Variants in UVRAG observed in about 807,000 individuals in gnomAD.
The protein encoded by UVRAG is UV radiation resistance-associated gene protein.
In UVRAG, 19 loss-of-function variants were observed where a neutral mutation model predicts 78.0. That is an observed-to-expected ratio of 0.24 (90% CI 0.17 to 0.36). The LOEUF is 0.36. Ranked by LOEUF, UVRAG falls within the 10% of genes least tolerant of loss-of-function variation. UVRAG has a pLI of 1.00. For missense variants in UVRAG, 740 were observed against 853.8 expected (o/e 0.87, Z 1.66); for synonymous variants, 323 against 324.6 (o/e 1.00, Z 0.05).
chr11:75,933,442 G>A (rs1434856548), intron 6 of UVRAG, among the ~76,000 whole-genome samples: 1 of 152,180 alleles, frequency 6.6e-6, no homozygotes, highest in Non-Finnish European at 1.5e-5. Flanking sequence ...GAACATTGGA[G>A]TGGGCAACAG....
chr11:75,878,921 GAGGGA>G, intron 3 of UVRAG, among the ~76,000 whole-genome samples: 3 of 93,588 alleles, frequency 3.2e-5, no homozygotes, highest in Admixed American at 9.3e-5. Flanking sequence ...GGGGGAGGGA[GAGGGA>G]GAGGGAGAGG....
chr11:76,033,216 C>T (rs1950468864), intron 12 of UVRAG, among the ~76,000 whole-genome samples: 1 of 152,110 alleles, frequency 6.6e-6, no homozygotes, highest in Non-Finnish European at 1.5e-5. Context: ...ACACCTTGAA[C>T]CAGTTTATTC....
In UVRAG at chr11:75,941,520, A is replaced by G. The variant is rs1948484375; in HGVS notation, c.594-19924A>G. Reference sequence around the variant, plus strand: ...ATTATACTTACTGGTTGAGCGTCTGAAATCCCAAATGCTCCAGTGAGCATT... The same window carrying G: ...ATTATACTTACTGGTTGAGCGTCTGGAATCCCAAATGCTCCAGTGAGCATT... On this transcript the variant is annotated intron_variant, in intron 6 of 14. Transcript: ENST00000356136. Among the ~76,000 whole-genome samples, 3 of 152,130 alleles carry G rather than the reference A, an allele frequency of 2.0e-5. No individual in the cohort carries two copies. The South Asian group carries it at 6.2e-4, about 32-fold the overall frequency.
chr11:75,881,017 C>T (rs1946933952), intron 4 of UVRAG, among the ~76,000 whole-genome samples: 1 of 140,560 alleles, frequency 7.1e-6, no homozygotes, highest in Admixed American at 7.7e-5. Context: ...GATCATAGCT[C>T]ACTGTAGCCT....
At chr11:76,077,466 T>C (rs1325037502) in intron 13 of UVRAG, among the ~76,000 whole-genome samples, 1 of 152,166 alleles carries the variant, frequency 6.6e-6, no homozygotes, top group Non-Finnish European at 1.5e-5. Flanking sequence ...AGTTGGACAT[T>C]TTTTCCTTTT....
chr11:75,818,056 T>C (rs1945299451), intron 1 of UVRAG, among the ~76,000 whole-genome samples: 1 of 148,048 alleles, frequency 6.8e-6, no homozygotes, highest in Non-Finnish European at 1.5e-5. Context: ...TGAGACTCTA[T>C]CTAAAAACAA....
intron 5 of UVRAG, among the ~76,000 whole-genome samples, chr11:75,907,513 C>T (rs1947641109): frequency 6.6e-6 from 1 of 151,442 alleles, no homozygotes; most frequent in Admixed American, 6.6e-5. Flanking sequence ...TTCCTTCCTT[C>T]TTTCTATAAT....
chr11:76,103,037 C>T (rs375815222), intron 13 of UVRAG, among the ~76,000 whole-genome samples: 2 of 152,148 alleles, frequency 1.3e-5, no homozygotes, highest in African/African-American at 4.8e-5. Context: ...GGCCTTCAGC[C>T]AGGGGCCACT....
intron 5 of UVRAG, among the ~76,000 whole-genome samples, chr11:75,899,863 A>G (rs1399997968): frequency 1.3e-5 from 2 of 152,232 alleles, no homozygotes; most frequent in Admixed American, 6.5e-5. Context: ...AAAGTTCCAC[A>G]CATTAGTCAC....
intron 12 of UVRAG, among the ~76,000 whole-genome samples, chr11:76,040,487 GGAAA>G (rs922423510): frequency 2.0e-5 from 3 of 150,520 alleles, no homozygotes; most frequent in African/African-American, 7.3e-5. Flanking sequence ...AAAAAAAAAA[GGAAA>G]GAAAGAAATA....
rs1284007732 is a variant in UVRAG, at chr11:75,983,770, T to C, written c.826+257T>C. 19 of 326,896 alleles carry C rather than the reference T, an allele frequency of 5.8e-5. No individual in the cohort carries two copies. In the East Asian group the frequency reaches 8.6e-4, roughly 15 times the overall value. 20.2% of individuals were successfully genotyped at this position (326,896 alleles called of 1,614,324 possible). On this transcript the variant is annotated intron_variant, in intron 8 of 14. Coordinates refer to ENST00000356136, the MANE Select transcript of UVRAG (RefSeq NM_003369.4). ...ATGGCTGTAAACTTGTACAGCATGT[T>C]ACCATACTGAATACTGTAGGCAACT...
intron 1 of UVRAG, among the ~76,000 whole-genome samples, chr11:75,824,669 A>AT (rs1217028567): frequency 0.13 from 15,477 of 118,600 alleles, 1,770 homozygotes; most frequent in East Asian, 0.26. Context: ...GAAGTTTGTC[A>AT]TTTTTTTTTT....
intron 8 of UVRAG, among the ~76,000 whole-genome samples, chr11:75,989,908 T>A (rs1478589858): frequency 1.3e-5 from 2 of 152,240 alleles, no homozygotes; most frequent in African/African-American, 4.8e-5. Context: ...TTCATATAGG[T>A]AATGTACCAT....
intron 8 of UVRAG, among the ~76,000 whole-genome samples, chr11:76,003,284 T>C (rs991640964): frequency 1.4e-5 from 2 of 141,422 alleles, no homozygotes; most frequent in African/African-American, 5.5e-5. Context: ...TTTTTTTTTT[T>C]TTTTGGAGAC....
At chr11:75,954,883 G>A (rs1259946276) in intron 6 of UVRAG, among the ~76,000 whole-genome samples, 1 of 152,222 alleles carries the variant, frequency 6.6e-6, no homozygotes, top group African/African-American at 2.4e-5. Context: ...TAATAGTCAG[G>A]AAAGGCTTTT....
At chr11:75,927,155 C>T (rs148617747) in intron 6 of UVRAG, among the ~76,000 whole-genome samples, 8,266 of 151,654 alleles carry the variant, frequency 0.055, 279 homozygotes, top group East Asian at 0.17. Context: ...CTGCAACCTC[C>T]GCCTCCCAGG....
At chr11:76,110,699 T>C (rs1313762792) in intron 13 of UVRAG, among the ~76,000 whole-genome samples, 2 of 152,040 alleles carry the variant, frequency 1.3e-5, no homozygotes, top group African/African-American at 4.8e-5. Flanking sequence ...TGAGAATAGA[T>C]AAGACATGAG....
At chr11:76,056,042 G>T (rs1950978959) in intron 12 of UVRAG, among the ~76,000 whole-genome samples, 1 of 152,160 alleles carries the variant, frequency 6.6e-6, no homozygotes, top group Non-Finnish European at 1.5e-5. Context: ...ACTATTCTGA[G>T]TTCCATCAAA....
chr11:75,941,670 C>A (rs1333400310), intron 6 of UVRAG, among the ~76,000 whole-genome samples: 1 of 152,110 alleles, frequency 6.6e-6, no homozygotes, highest in African/African-American at 2.4e-5. Context: ...GACATTCCCC[C>A]CTGCAACCTG....
Sources: allele counts gnomAD v4.1 joint callset (sites outside exome capture counted in the v4.1 genomes callset), GRCh38; gene constraint gnomAD v4.1.1; transcripts MANE v1.5; gene names NCBI Gene and HGNC (gene_info 2026-07-23, HGNC 2026-07-21).